Variants in FKBP15 observed in about 807,000 individuals in gnomAD.
The protein encoded by FKBP15 is FK506-binding protein 15.
A neutral mutation model predicts 158.1 loss-of-function variants in FKBP15; 106 were observed. That is an observed-to-expected ratio of 0.67 (90% CI 0.57 to 0.79). FKBP15 has a LOEUF of 0.79. Ranked by LOEUF, FKBP15 falls within the 30% of genes least tolerant of loss-of-function variation. The pLI, the probability that FKBP15 is intolerant of heterozygous loss-of-function variation, is 0.00. For synonymous variants in FKBP15, 547 were observed against 548.6 expected (o/e 1.00, Z 0.04); for missense variants, 1,287 against 1,479.1 (o/e 0.87, Z 2.13).
At chr9:113,215,638 A>AT (rs1564192803) in intron 1 of FKBP15, among the ~76,000 whole-genome samples, 34 of 113,066 alleles carry the variant, frequency 3.0e-4, no homozygotes, top group East Asian at 1.7e-3. Flanking sequence ...ATATATATAT[A>AT]TATATATTTT....
At chr9:113,202,917 C>G in intron 5 of FKBP15, 44 bp downstream of exon 5, 1 of 1,471,776 alleles carries the variant, frequency 6.8e-7, no homozygotes, top group Non-Finnish European at 9.4e-7. Flanking sequence ...CTCCTGTAAA[C>G]CTATCCCGAA....
At chr9:113,172,418 C>A (rs11506774) in intron 23 of FKBP15, among the ~76,000 whole-genome samples, 42,136 of 151,944 alleles carry the variant, frequency 0.28, 6,287 homozygotes, top group East Asian at 0.63. Flanking sequence ...CTTAAGGAAT[C>A]GCCACACTGT....
intron 6 of FKBP15, 85 bp from the exon 7 acceptor site, chr9:113,200,048 A>G: frequency 1.4e-6 from 2 of 1,390,024 alleles, no homozygotes; most frequent in South Asian, 2.9e-5. Context: ...TTTCTCAAAT[A>G]GCTTCATCCA....
chr9:113,206,968 C>G (rs1041402492), intron 3 of FKBP15: 3 of 470,812 alleles, frequency 6.4e-6, no homozygotes, highest in Non-Finnish European at 1.1e-5. Flanking sequence ...AGTGGAGAGG[C>G]TTTCTTTGAG....
chr9:113,186,107 T>C (rs1488409966), intron 15 of FKBP15, 142 bp downstream of exon 15: 3 of 624,796 alleles, frequency 4.8e-6, no homozygotes, highest in Non-Finnish European at 8.5e-6. Context: ...ATGTGTGGAA[T>C]ACATATTATA....
intron 2 of FKBP15, 147 bp downstream of exon 2, chr9:113,211,330 T>C: frequency 3.5e-6 from 2 of 565,602 alleles, no homozygotes; most frequent in Non-Finnish European, 3.0e-6. Context: ...GGCTAATTTT[T>C]GTATTTTTTT....
In FKBP15 at chr9:113,162,248, T is replaced by C; in HGVS notation, c.*3830A>G. On this transcript the variant is annotated 3_prime_UTR_variant, in exon 28 of 28. Transcript: ENST00000238256. ...CATGGGTGTCTCAGATCTTCACAAC[T>C]GCACTGCAAGGGAAGTATTCTCATT... 1 of 252,394 alleles carries C rather than the reference T, an allele frequency of 4.0e-6. No homozygotes were observed. Among genetic ancestry groups the C allele is most frequent in the Non-Finnish European group, 7.8e-6 (1 of 128,030 alleles). The allele number at this position is 252,394 out of a possible 1,614,324, so 15.6% of individuals were successfully genotyped here.
At chr9:113,209,750 G>A (rs73552213) in intron 2 of FKBP15, among the ~76,000 whole-genome samples, 29,427 of 152,156 alleles carry the variant, frequency 0.19, 3,111 homozygotes, top group African/African-American at 0.24. Context: ...ACTTTGAAAT[G>A]ACCAATTGTT....
intron 9 of FKBP15, among the ~76,000 whole-genome samples, chr9:113,195,939 A>C (rs1830669316): frequency 6.6e-6 from 1 of 152,186 alleles, no homozygotes; most frequent in South Asian, 2.1e-4. Context: ...ATTTTCTATG[A>C]ATATATGAGC....
chr9:113,217,420 C>T (rs539706561), intron 1 of FKBP15, among the ~76,000 whole-genome samples: 54 of 151,748 alleles, frequency 3.6e-4, no homozygotes, highest in African/African-American at 1.0e-3. Context: ...TTGTGTTGGC[C>T]AGGCTGGTCT....
At position 113,198,572 on chromosome 9, in the gene FKBP15, GAGAA is replaced by G. The variant is rs1170170808; in HGVS notation, c.717+279_717+282del. Among the ~76,000 whole-genome samples, 1 of 152,136 alleles carries G rather than the reference GAGAA, an allele frequency of 6.6e-6. No individual in the cohort carries two copies. Among genetic ancestry groups the G allele is most frequent in the Non-Finnish European group, 1.5e-5 (1 of 68,010 alleles). ...GTTTGAGACCAGCCTGACCAACATG[GAGAA>G]ACTCCATCTCCACTAAAAATACAAA... is the stretch of plus-strand genomic sequence containing the variant. On this transcript the variant is annotated intron_variant, in intron 8 of 27. Transcript: ENST00000238256. The surrounding 1 kb of genome is among the most constrained non-coding windows in gnomAD (Gnocchi z 5.2).
At chr9:113,195,274 T>A (rs1465826586) in intron 9 of FKBP15, among the ~76,000 whole-genome samples, 5 of 152,220 alleles carry the variant, frequency 3.3e-5, no homozygotes, top group South Asian at 2.1e-4. Context: ...AGTGTATAAA[T>A]CTTTCTGAAC....
At chr9:113,207,488 T>A (rs918101851) in intron 2 of FKBP15, among the ~76,000 whole-genome samples, 192 bp from the exon 3 acceptor site, 1 of 151,718 alleles carries the variant, frequency 6.6e-6, no homozygotes, top group African/African-American at 2.4e-5. Context: ...TCCAGTTGCG[T>A]GCCACCACAT....
intron 12 of FKBP15, 93 bp downstream of exon 12, chr9:113,190,378 G>T: frequency 2.0e-6 from 2 of 1,002,564 alleles, no homozygotes; most frequent in Non-Finnish European, 3.0e-6. Context: ...TAATGATTCT[G>T]CCTTAGAGAA....
At chr9:113,215,636 ATATATATATTTTTTTTTT>A (rs1831110066) in intron 1 of FKBP15, among the ~76,000 whole-genome samples, 2 of 116,256 alleles carry the variant, frequency 1.7e-5, no homozygotes, top group Non-Finnish European at 1.7e-5. Flanking sequence ...ATATATATAT[ATATATATATTTTTTTTTT>A]TTTTTTTTTT....
chr9:113,174,373 C>G, intron 22 of FKBP15, 55 bp downstream of exon 22: 1 of 1,571,548 alleles, frequency 6.4e-7, no homozygotes, highest in Non-Finnish European at 8.6e-7. Context: ...AAGCTTTTCT[C>G]TCTGAGTCCT....
In FKBP15 at chr9:113,184,829, A is replaced by G. The variant is rs776358778; in HGVS notation, c.1499-25T>C. ...CCTAAACAGATACAAGCCAAAAAGA[A>G]ACTTATGAAACTGGAGCAGAGGAAA... On this transcript the variant is annotated intron_variant, in intron 15 of 27. Coordinates refer to ENST00000238256, the MANE Select transcript of FKBP15 (RefSeq NM_015258.2). The surrounding 1 kb of genome is among the most constrained non-coding windows in gnomAD (Gnocchi z 4.5). 5.2e-6 allele frequency: 8 copies of G among 1,538,684 alleles called. No individual in the cohort carries two copies. The African/African-American group carries it at 6.8e-5, about 13-fold the overall frequency.
chr9:113,213,171 G>A (rs1214633690), intron 1 of FKBP15, among the ~76,000 whole-genome samples: 1 of 152,178 alleles, frequency 6.6e-6, no homozygotes, highest in Non-Finnish European at 1.5e-5. Flanking sequence ...CATTTTGGGA[G>A]GCTGAGATGG....
intron 19 of FKBP15, among the ~76,000 whole-genome samples, chr9:113,179,402 G>A (rs1166080789): frequency 1.3e-5 from 2 of 152,082 alleles, no homozygotes; most frequent in Non-Finnish European, 2.9e-5. Context: ...AGTGGCTCGC[G>A]CCTGTAATCC....
Sources: allele counts gnomAD v4.1 joint callset (sites outside exome capture counted in the v4.1 genomes callset), GRCh38; gene constraint gnomAD v4.1.1; non-coding constraint Gnocchi (gnomAD v3.1); transcripts MANE v1.5; gene names NCBI Gene and HGNC (gene_info 2026-07-23, HGNC 2026-07-21).